Variants in NECAB1 observed in about 807,000 individuals in gnomAD.
The protein encoded by NECAB1 is N-terminal EF-hand calcium binding protein 1, also known as N-terminal EF-hand calcium-binding protein 1.
NECAB1 carries 29 observed loss-of-function variants against 57.5 expected under a neutral mutation model. The ratio of observed to expected loss-of-function variants is 0.50; its 90% CI spans 0.38 to 0.69. NECAB1 has a LOEUF of 0.69. Among genes scored for constraint, NECAB1 ranks in the 30% least tolerant of loss-of-function variants. The probability of loss-of-function intolerance (pLI) is 0.00; values close to 1 mark genes in which losing one functional copy is unlikely to be tolerated. For synonymous variants in NECAB1, 142 were observed against 147.7 expected (o/e 0.96, Z 0.28); for missense variants, 372 against 413.8 (o/e 0.90, Z 0.88).
At chr8:90,861,460 G>A (rs1204932874) in intron 3 of NECAB1, among the ~76,000 whole-genome samples, 1 of 152,050 alleles carries the variant, frequency 6.6e-6, no homozygotes, top group Non-Finnish European at 1.5e-5. Context: ...AAATTATCAC[G>A]AGAAATGGAA....
chr8:90,805,947 C>A (rs1227375022), intron 2 of NECAB1, among the ~76,000 whole-genome samples: 1 of 152,124 alleles, frequency 6.6e-6, no homozygotes, highest in East Asian at 1.9e-4. Flanking sequence ...TTCCTCCACC[C>A]CCAGCCCATG....
chr8:90,906,722 A>G (rs937188196), intron 5 of NECAB1, among the ~76,000 whole-genome samples: 3 of 151,818 alleles, frequency 2.0e-5, no homozygotes, highest in Non-Finnish European at 2.9e-5. Context: ...GAACTTTCAG[A>G]AATTTTGTTT....
intron 2 of NECAB1, among the ~76,000 whole-genome samples, chr8:90,821,413 T>C (rs923749171): frequency 2.6e-5 from 4 of 151,896 alleles, no homozygotes; most frequent in Admixed American, 2.0e-4. Context: ...TGGTTTCTCA[T>C]ATTTCCTCTT....
chr8:90,923,256 T>C (rs1810171842), intron 6 of NECAB1, among the ~76,000 whole-genome samples: 1 of 152,146 alleles, frequency 6.6e-6, no homozygotes, highest in Non-Finnish European at 1.5e-5. Flanking sequence ...AAGGTGAGCA[T>C]ATGTATACCT....
chr8:90,906,376 T>A (rs769403630), intron 5 of NECAB1, among the ~76,000 whole-genome samples: 40 of 152,124 alleles, frequency 2.6e-4, no homozygotes, highest in Non-Finnish European at 5.4e-4. Flanking sequence ...CGCATAGAGT[T>A]TTTTTCCCAG....
chr8:90,947,612 G>A (rs2130263812), intron 10 of NECAB1, among the ~76,000 whole-genome samples: 1 of 152,254 alleles, frequency 6.6e-6, no homozygotes, highest in Non-Finnish European at 1.5e-5. Flanking sequence ...TGTTGGCCAG[G>A]CTGGCCTTGA....
intron 2 of NECAB1, among the ~76,000 whole-genome samples, chr8:90,809,897 A>C (rs1342690289): frequency 6.6e-6 from 1 of 152,240 alleles, no homozygotes; most frequent in South Asian, 2.1e-4. Context: ...TAGACTTTAC[A>C]AGAAAATATT....
chr8:90,851,478 A>T (rs1029053042), intron 3 of NECAB1, among the ~76,000 whole-genome samples: 1 of 152,108 alleles, frequency 6.6e-6, no homozygotes, highest in East Asian at 1.9e-4. Context: ...TCATAATTGA[A>T]TTGTAGGACA....
At chr8:90,942,636 C>T (rs934724746) in intron 10 of NECAB1, among the ~76,000 whole-genome samples, 6 of 152,278 alleles carry the variant, frequency 3.9e-5, no homozygotes, top group South Asian at 2.1e-4. Context: ...ATAATCCCAG[C>T]ACTTTGGGAG....
At chr8:90,801,805 G>T (rs56168235) in intron 2 of NECAB1, 90 bp downstream of exon 2, 1 of 892,564 alleles carries the variant, frequency 1.1e-6, no homozygotes, top group Non-Finnish European at 1.7e-6. Flanking sequence ...GGGACAGTCC[G>T]GGAAAATTAC....
intron 6 of NECAB1, among the ~76,000 whole-genome samples, chr8:90,922,089 A>T (rs1480212504): frequency 6.6e-6 from 1 of 152,272 alleles, no homozygotes; most frequent in Non-Finnish European, 1.5e-5. Context: ...GTGTTCAGAA[A>T]GTACGTAATA....
intron 7 of NECAB1, 116 bp downstream of exon 7, chr8:90,925,772 C>A: frequency 1.5e-6 from 2 of 1,375,174 alleles, no homozygotes; most frequent in Non-Finnish European, 2.0e-6. Context: ...TTCCTTATAC[C>A]AAGTAAGTTT....
At chr8:90,856,160 G>C (rs974024625) in intron 3 of NECAB1, among the ~76,000 whole-genome samples, 4 of 152,000 alleles carry the variant, frequency 2.6e-5, no homozygotes, top group African/African-American at 9.7e-5. Context: ...GACTAGTTTT[G>C]GAGACTCTGT....
chr8:90,799,593 A>AT (rs909089174), intron 1 of NECAB1, among the ~76,000 whole-genome samples: 10 of 151,836 alleles, frequency 6.6e-5, no homozygotes, highest in Non-Finnish European at 1.3e-4. Context: ...ATTTTTGTTG[A>AT]TTTTGTTGAA....
At chr8:90,849,278 G>A (rs1812633863) in intron 3 of NECAB1, among the ~76,000 whole-genome samples, 1 of 152,076 alleles carries the variant, frequency 6.6e-6, no homozygotes, top group African/African-American at 2.4e-5. Flanking sequence ...AAACCAGACT[G>A]GGCAACATAG....
intron 10 of NECAB1, among the ~76,000 whole-genome samples, chr8:90,944,194 C>T (rs1810744007): frequency 6.6e-6 from 1 of 152,134 alleles, no homozygotes; most frequent in Non-Finnish European, 1.5e-5. Context: ...TTTGGTCATC[C>T]TTAGAGTTTC....
intron 5 of NECAB1, among the ~76,000 whole-genome samples, chr8:90,887,764 T>C (rs1809042120): frequency 6.6e-6 from 1 of 152,332 alleles, no homozygotes; most frequent in Non-Finnish European, 1.5e-5. Context: ...CCCTCTTTCA[T>C]GTCCAGAAGA....
chr8:90,806,102 C>T (rs1247963434), intron 2 of NECAB1, among the ~76,000 whole-genome samples: 2 of 152,196 alleles, frequency 1.3e-5, no homozygotes, highest in African/African-American at 4.8e-5. Flanking sequence ...TGAAAAGCTT[C>T]ATAGTAGTGA....
chr8:90,925,207 A>G (rs755703007), intron 6 of NECAB1, among the ~76,000 whole-genome samples: 4 of 152,176 alleles, frequency 2.6e-5, no homozygotes, highest in East Asian at 1.9e-4. Context: ...AAAAAACTCC[A>G]TAAGTGTTTT....
Sources: allele counts gnomAD v4.1 joint callset (sites outside exome capture counted in the v4.1 genomes callset), GRCh38; gene constraint gnomAD v4.1.1; transcripts MANE v1.5; gene names NCBI Gene and HGNC (gene_info 2026-07-23, HGNC 2026-07-21).